CENPP: variants seen among roughly 807,000 people sequenced by gnomAD.
CENPP encodes centromere protein P.
CENPP carries 24 observed loss-of-function variants against 35.6 expected under a neutral mutation model. The ratio of observed to expected loss-of-function variants is 0.67; its 90% CI spans 0.49 to 0.95. The LOEUF (loss-of-function observed/expected upper bound fraction) is 0.95. Ranked by LOEUF, CENPP falls within the 40% of genes least tolerant of loss-of-function variation. The pLI is 0.00. For missense variants in CENPP, 332 were observed against 345.3 expected (o/e 0.96, Z 0.31); for synonymous variants, 120 against 125.5 (o/e 0.96, Z 0.29).
intron 4 of CENPP, among the ~76,000 whole-genome samples, chr9:92,353,358 T>A (rs561782065): frequency 6.6e-6 from 1 of 152,306 alleles, no homozygotes; most frequent in East Asian, 1.9e-4. Context: ...CGTGTTTTTT[T>A]CCTGATGGAG....
intron 5 of CENPP, among the ~76,000 whole-genome samples, chr9:92,472,436 G>T (rs754801504): frequency 3.7e-4 from 56 of 151,742 alleles, no homozygotes; most frequent in Non-Finnish European, 5.2e-4. Context: ...GAGTCGGGTG[G>T]ATCATGAGGT....
At chr9:92,368,058 G>T (rs1478325543) in intron 4 of CENPP, among the ~76,000 whole-genome samples, 2 of 152,128 alleles carry the variant, frequency 1.3e-5, no homozygotes, top group Non-Finnish European at 2.9e-5. Flanking sequence ...CTATTTAATG[G>T]CATGTCATGT....
intron 4 of CENPP, among the ~76,000 whole-genome samples, chr9:92,366,384 G>A (rs1841889860): frequency 6.6e-6 from 1 of 152,110 alleles, no homozygotes; most frequent in South Asian, 2.1e-4. Context: ...ATCCTTCTCA[G>A]TGAAACCAGA....
chr9:92,417,190 G>A (rs1225973003), intron 5 of CENPP: 3 of 1,613,860 alleles, frequency 1.9e-6, no homozygotes, highest in Non-Finnish European at 2.5e-6. Context: ...TTTTGTTGTG[G>A]CTGAGGTTAA....
chr9:92,502,744 C>G (rs1229643729), intron 5 of CENPP: 1 of 1,012,570 alleles, frequency 9.9e-7, no homozygotes, highest in African/African-American at 1.7e-5. Context: ...AGACTATTAT[C>G]ATTAGTATTA....
intron 5 of CENPP, among the ~76,000 whole-genome samples, chr9:92,535,518 TTAAG>T (rs1202275468): frequency 6.6e-6 from 1 of 152,152 alleles, no homozygotes; most frequent in African/African-American, 2.4e-5. Flanking sequence ...ACCAGTTATC[TTAAG>T]TAAACTTTAA....
chr9:92,422,296 C>T (rs887130991), intron 5 of CENPP, among the ~76,000 whole-genome samples: 1 of 152,050 alleles, frequency 6.6e-6, no homozygotes, highest in Non-Finnish European at 1.5e-5. Context: ...TCAGGTGATC[C>T]GCCCACCTCA....
rs1187399368 is a variant in CENPP, at chr9:92,474,487, C to T, written c.564+94628C>T. 3.1e-6 allele frequency: 4 copies of T among 1,294,396 alleles called. No individual in the cohort carries two copies. In the African/African-American group the frequency reaches 6.1e-5, roughly 20 times the overall value. 80.2% of individuals were successfully genotyped at this position (1,294,396 alleles called of 1,614,324 possible). On this transcript the variant is annotated intron_variant, in intron 5 of 7. Coordinates refer to ENST00000375587, the MANE Select transcript of CENPP (RefSeq NM_001012267.3). ...TGGATGTACTTTGGGGTTTGCTGTA[C>T]TTTCCACCTAAAAACTTAAATGAAA...
At chr9:92,430,294 G>T (rs1473624446) in intron 5 of CENPP, among the ~76,000 whole-genome samples, 1 of 151,640 alleles carries the variant, frequency 6.6e-6, no homozygotes, top group Non-Finnish European at 1.5e-5. Context: ...TGACTTCTAG[G>T]AGTTTTTTTA....
intron 5 of CENPP, among the ~76,000 whole-genome samples, chr9:92,579,676 G>T (rs1380694788): frequency 6.7e-6 from 1 of 149,316 alleles, no homozygotes; most frequent in Non-Finnish European, 1.5e-5. Context: ...TGCTGAAGTT[G>T]CTTATCAGCT....
chr9:92,337,769 A>C, intron 3 of CENPP, 140 bp downstream of exon 3: 1 of 669,888 alleles, frequency 1.5e-6, no homozygotes, highest in South Asian at 1.7e-5. Context: ...CATTTGTGCA[A>C]AGTGGTACAT....
intron 5 of CENPP, among the ~76,000 whole-genome samples, chr9:92,432,816 C>A (rs1844147682): frequency 6.6e-6 from 1 of 152,180 alleles, no homozygotes; most frequent in Admixed American, 6.5e-5. Context: ...TGGAAAGATG[C>A]ATTTTACTTG....
intron 3 of CENPP, 41 bp downstream of exon 3, chr9:92,337,670 C>T: frequency 1.6e-6 from 2 of 1,220,902 alleles, no homozygotes; most frequent in Non-Finnish European, 2.4e-6. Context: ...GATACTTCTG[C>T]TATGAGATAA....
rs1269462601 is a variant in CENPP at position 92,382,180 on chromosome 9, C to T, written c.564+2321C>T. Reference sequence around the variant, plus strand: ...ACTTTCTCTGGGTTGTCTTTTGACTCTTGATAGTGTCCTTTGATGAGCAGA... The same window carrying T: ...ACTTTCTCTGGGTTGTCTTTTGACTTTTGATAGTGTCCTTTGATGAGCAGA... On this transcript the variant is annotated intron_variant, in intron 5 of 7. Transcript: ENST00000375587. 2.0e-5 allele frequency among the ~76,000 whole-genome samples: 3 copies of T among 151,894 alleles called. No individual in the cohort carries two copies. In the South Asian group the frequency reaches 6.2e-4, roughly 32 times the overall value.
rs1182765869 is a variant in CENPP, at chr9:92,618,317, T to C, written c.*5168T>C. 1 of 456,666 alleles carries C rather than the reference T, an allele frequency of 2.2e-6. No homozygotes were observed. The highest frequency in any genetic ancestry group is 1.5e-5 in the South Asian group (1 of 64,562). 28.3% of individuals were successfully genotyped at this position (456,666 alleles called of 1,614,324 possible). On this transcript the variant is annotated 3_prime_UTR_variant, in exon 8 of 8. Coordinates refer to ENST00000375587, the MANE Select transcript of CENPP (RefSeq NM_001012267.3). ...CATGCCCTCCCCTCCCCTCCTAGTG[T>C]CGTTTCTGCTGAGCAGCTGGTCGTA...
intron 5 of CENPP, among the ~76,000 whole-genome samples, chr9:92,440,818 C>T (rs182522064): frequency 3.3e-5 from 5 of 152,320 alleles, no homozygotes; most frequent in Non-Finnish European, 5.9e-5. Flanking sequence ...TTTCAGGCAT[C>T]TACAGGGGAT....
intron 5 of CENPP, chr9:92,403,663 TCTCTATCAGAAA>T (rs1260589293): frequency 9.1e-7 from 1 of 1,098,314 alleles, no homozygotes; most frequent in Admixed American, 4.8e-5. Flanking sequence ...TAGTTTTACT[TCTCTATCAGAAA>T]TTCAAGAAAG....
intron 5 of CENPP, among the ~76,000 whole-genome samples, chr9:92,591,935 T>A (rs988004527): frequency 1.3e-5 from 2 of 152,198 alleles, no homozygotes; most frequent in African/African-American, 2.4e-5. Context: ...ACTGTCTTAT[T>A]TTTTAACTTT....
chr9:92,496,098 G>A, intron 5 of CENPP: 1 of 1,176,612 alleles, frequency 8.5e-7, no homozygotes, highest in Non-Finnish European at 1.0e-6. Context: ...TCTAGAGGTA[G>A]GAAACTGAGA....
Sources: gnomAD v4.1 joint callset for allele counts (sites outside exome capture counted in the v4.1 genomes callset) on GRCh38, gnomAD v4.1.1 for gene constraint, MANE v1.5 for transcripts, NCBI Gene and HGNC (gene_info 2026-07-23, HGNC 2026-07-21) for gene names.